Variants in FAM83F observed in about 807,000 individuals in gnomAD.
FAM83F encodes scaffolding CK1 anchoring protein F.
Under a neutral mutation model 42.9 loss-of-function variants are expected in FAM83F, and 45 were observed. The observed-to-expected ratio is 1.05, with a 90% CI of 0.83 to 1.35. FAM83F has a LOEUF of 1.35. Among genes scored for constraint, FAM83F ranks in the 40% most tolerant of loss-of-function variants. FAM83F has a pLI of 0.00. For synonymous variants in FAM83F, 306 were observed against 298.3 expected (o/e 1.03, Z -0.27); for missense variants, 617 against 695.9 (o/e 0.89, Z 1.28).
intron 1 of FAM83F, among the ~76,000 whole-genome samples, chr22:40,002,177 C>A (rs1422477428): frequency 1.3e-5 from 2 of 152,168 alleles, no homozygotes; most frequent in Non-Finnish European, 2.9e-5. Context: ...TGAGGATGTT[C>A]CCCACACACG....
At chr22:40,017,188 G>A (rs2067496828) in intron 1 of FAM83F, among the ~76,000 whole-genome samples, 2 of 151,620 alleles carry the variant, frequency 1.3e-5, no homozygotes, top group Non-Finnish European at 2.9e-5. Context: ...GAGGCTGATT[G>A]AGCGTACCTG....
In FAM83F at chr22:40,041,864, T is replaced by C. The variant is rs2146254407; in HGVS notation, c.*12299T>C. Reference sequence around the variant, plus strand: ...TTGAGTTAATATTATATTTACTCAATGTTACTTTTTTTTTTTTTGAGACAG... The same window carrying C: ...TTGAGTTAATATTATATTTACTCAACGTTACTTTTTTTTTTTTTGAGACAG... On this transcript the variant is annotated 3_prime_UTR_variant, in exon 5 of 5. Coordinates refer to ENST00000333407, the MANE Select transcript of FAM83F (RefSeq NM_138435.4). 1 of 152,238 alleles carries C rather than the reference T, an allele frequency of 6.6e-6. No homozygotes were observed. The highest frequency in any genetic ancestry group is 2.1e-4 in the South Asian group (1 of 4,832). The allele number at this position is 152,238 out of a possible 1,614,324, so 9.4% of individuals were successfully genotyped here.
Position 40,029,690 on chromosome 22 carries a change from CCTCCGTCCTGGCCTCAG to C in FAM83F, c.*126_*142del. On this transcript the variant is annotated 3_prime_UTR_variant, in exon 5 of 5. Coordinates refer to ENST00000333407, the MANE Select transcript of FAM83F (RefSeq NM_138435.4). ...CGCCAACTGGCCTTCTGCCCTGCAG[CCTCCGTCCTGGCCTCAG>C]GGACGCTGGATCCCAAATGAGAGGG... 7.1e-7 allele frequency: 1 copy of C among 1,400,188 alleles called. No homozygotes were observed. The highest frequency in any genetic ancestry group is 9.6e-7 in the Non-Finnish European group (1 of 1,040,284). The allele number at this position is 1,400,188 out of a possible 1,614,324, so 86.7% of individuals were successfully genotyped here. A position where few individuals can be genotyped will look rare whatever the true frequency, so the allele number is the denominator to read the frequency against.
At chr22:40,003,210 G>A (rs555852476) in intron 1 of FAM83F, among the ~76,000 whole-genome samples, 1 of 152,304 alleles carries the variant, frequency 6.6e-6, no homozygotes, top group East Asian at 1.9e-4. Context: ...ATTGAGGCAG[G>A]TAACACAGGG....
In FAM83F at chr22:40,041,005, C is replaced by T. The variant is rs545343153; in HGVS notation, c.*11440C>T. 3.3e-5 allele frequency: 5 copies of T among 152,282 alleles called. 1 individual carries two copies. Among genetic ancestry groups the T allele is most frequent in the African/African-American group, 9.6e-5 (4 of 41,540 alleles). 9.4% of individuals were successfully genotyped at this position (152,282 alleles called of 1,614,324 possible). ...ATTGCAGAATTGTTCACAAAAATTC[C>T]CATTGCCTTGGAATTTGTCCAAGCC... On this transcript the variant is annotated 3_prime_UTR_variant, in exon 5 of 5. Coordinates refer to ENST00000333407, the MANE Select transcript of FAM83F (RefSeq NM_138435.4).
chr22:40,020,226 G>A (rs566172138), intron 3 of FAM83F, among the ~76,000 whole-genome samples: 2 of 152,298 alleles, frequency 1.3e-5, no homozygotes, highest in South Asian at 4.1e-4. Flanking sequence ...ATTACGCACT[G>A]TCTGTTTTTC....
At position 40,040,360 on chromosome 22, in the gene FAM83F, CA is replaced by C. The variant is rs2146253622; in HGVS notation, c.*10797del. 6.6e-6 allele frequency: 1 copy of C among 152,292 alleles called. No individual in the cohort carries two copies. Among genetic ancestry groups the C allele is most frequent in the South Asian group, 2.1e-4 (1 of 4,828 alleles). The allele number at this position is 152,292 out of a possible 1,614,324, so 9.4% of individuals were successfully genotyped here. A position where few individuals can be genotyped will look rare whatever the true frequency, so the allele number is the denominator to read the frequency against. On this transcript the variant is annotated 3_prime_UTR_variant, in exon 5 of 5. Coordinates refer to ENST00000333407, the MANE Select transcript of FAM83F (RefSeq NM_138435.4). ...TTTCCTATCTAGAAAATGTGGATAA[CA>C]ATGGTTGTTGTGAAGATTAACAGCC...
rs2067533249 is a variant in FAM83F at position 40,023,369 on chromosome 22, C to CTGCTG, written c.1453+1406_1453+1407insTGCTG. On this transcript the variant is annotated intron_variant, in intron 4 of 4. Transcript: ENST00000333407. This position sits in a 1 kb window ranked among gnomAD's most constrained non-coding sequence, Gnocchi z 4.1. ...ACCAGCTGCTGCTGCTGCTGCTGCT[C>CTGCTG]CTGCTCTGTACCTCTGGTTTGGAGG... Among the ~76,000 whole-genome samples, 1 of 72,796 alleles carries CTGCTG rather than the reference C, an allele frequency of 1.4e-5. No individual in the cohort carries two copies. The highest frequency in any genetic ancestry group is 6.8e-5 in the African/African-American group (1 of 14,780). The allele number at this position is 72,796 out of a possible 152,430, so 47.8% of individuals were successfully genotyped here.
intron 1 of FAM83F, among the ~76,000 whole-genome samples, chr22:40,007,110 C>T (rs1005590612): frequency 2.0e-5 from 3 of 151,710 alleles, no homozygotes; most frequent in African/African-American, 4.8e-5. Flanking sequence ...AGTACACTTC[C>T]GTACTGTTGG....
chr22:40,023,399 G>A lies in FAM83F; in HGVS notation c.1453+1436G>A, dbSNP rs544104979. 5.3e-5 allele frequency among the ~76,000 whole-genome samples: 8 copies of A among 152,250 alleles called. No homozygotes were observed. The South Asian group carries it at 1.7e-3, about 32-fold the overall frequency. On this transcript the variant is annotated intron_variant, in intron 4 of 4. Coordinates refer to ENST00000333407, the MANE Select transcript of FAM83F (RefSeq NM_138435.4). The surrounding 1 kb of genome is among the most constrained non-coding windows in gnomAD (Gnocchi z 4.1). Reference sequence around the variant, plus strand: ...TCTGTACCTCTGGTTTGGAGGAAGGGTTGCCATGGTGAACACCTGGCAAGG... The same window carrying A: ...TCTGTACCTCTGGTTTGGAGGAAGGATTGCCATGGTGAACACCTGGCAAGG...
At chr22:40,022,851 C>T (rs1049575049) in intron 4 of FAM83F, among the ~76,000 whole-genome samples, 14 of 152,190 alleles carry the variant, frequency 9.2e-5, no homozygotes, top group African/African-American at 2.4e-4. Context: ...CTTGTGTGCC[C>T]GGCCCAAGGG....
intron 1 of FAM83F, among the ~76,000 whole-genome samples, chr22:40,008,908 C>A (rs113848199): frequency 6.6e-6 from 1 of 152,148 alleles, no homozygotes. Context: ...GGAAGAATTG[C>A]CCTCTGGTCC....
intron 3 of FAM83F, among the ~76,000 whole-genome samples, chr22:40,020,332 G>T (rs2067512790): frequency 6.6e-6 from 1 of 151,268 alleles, no homozygotes; most frequent in Non-Finnish European, 1.5e-5. Flanking sequence ...ACGGGAAGGT[G>T]TGGTGTGCAG....
In FAM83F at chr22:40,037,338, C is replaced by A. The variant is rs1237966707; in HGVS notation, c.*7773C>A. The A allele has an allele frequency of 6.6e-6, 1 of 152,478 alleles. No homozygotes were observed. The highest frequency in any genetic ancestry group is 2.4e-5 in the African/African-American group (1 of 41,460). The allele number at this position is 152,478 out of a possible 1,614,324, so 9.4% of individuals were successfully genotyped here. On this transcript the variant is annotated 3_prime_UTR_variant, in exon 5 of 5. Transcript: ENST00000333407. ...AGTGAGCTGAGATCATGCCACTGCA[C>A]TTCAGCCTGGGCAACAGAGCTAGAC... is the stretch of plus-strand genomic sequence containing the variant.
At chr22:40,011,425 C>T (rs941773797) in intron 1 of FAM83F, among the ~76,000 whole-genome samples, 4 of 152,118 alleles carry the variant, frequency 2.6e-5, no homozygotes, top group Non-Finnish European at 4.4e-5. Context: ...TCAGGTGATC[C>T]GCCCGCCTCG....
chr22:40,005,064 C>T (rs1007378512), intron 1 of FAM83F, among the ~76,000 whole-genome samples: 7 of 152,236 alleles, frequency 4.6e-5, no homozygotes, highest in Non-Finnish European at 1.0e-4. Flanking sequence ...GCACTCTCAA[C>T]TTGCCTCCGT....
At chr22:40,015,010 G>A (rs1861499309) in intron 1 of FAM83F, among the ~76,000 whole-genome samples, 1 of 152,198 alleles carries the variant, frequency 6.6e-6, no homozygotes, top group Non-Finnish European at 1.5e-5. Context: ...TTTAGTACAT[G>A]TTAATTCCCA....
Position 40,039,470 on chromosome 22 carries a change from T to C in FAM83F, c.*9905T>C, listed in dbSNP as rs1031937745. The C allele has an allele frequency of 3.3e-5, 5 of 152,158 alleles. 1 individual carries two copies. The highest frequency in any genetic ancestry group is 1.2e-4 in the African/African-American group (5 of 41,436). 9.4% of individuals were successfully genotyped at this position (152,158 alleles called of 1,614,324 possible). The stretch of plus-strand genomic sequence containing the variant: ...CTTAGGTGGAGAATAACAAATCCGA[T>C]TCAATATATTCATTTTAGAAACGAG... On this transcript the variant is annotated 3_prime_UTR_variant, in exon 5 of 5. Transcript: ENST00000333407.
rs1274738620 is a variant in FAM83F at position 39,994,982 on chromosome 22, G to A, written c.-61G>A. 2 of 1,216,916 alleles carry A rather than the reference G, an allele frequency of 1.6e-6. No individual in the cohort carries two copies. The highest frequency in any genetic ancestry group is 2.0e-6 in the Non-Finnish European group (2 of 979,770). The allele number at this position is 1,216,916 out of a possible 1,614,324, so 75.4% of individuals were successfully genotyped here. ...CCGCCCCTCGGCGGCTCCAGGTGCGGCTGTGGGACCTCGGACCGCGGCGGG... is the reference window on the plus strand; with the variant it reads ...CCGCCCCTCGGCGGCTCCAGGTGCGACTGTGGGACCTCGGACCGCGGCGGG... On this transcript the variant is annotated 5_prime_UTR_variant, in exon 1 of 5. Coordinates refer to ENST00000333407, the MANE Select transcript of FAM83F (RefSeq NM_138435.4).
Sources: gnomAD v4.1 joint callset for allele counts (sites outside exome capture counted in the v4.1 genomes callset) on GRCh38, gnomAD v4.1.1 for gene constraint, Gnocchi (gnomAD v3.1) non-coding constraint, MANE v1.5 for transcripts, NCBI Gene and HGNC (gene_info 2026-07-23, HGNC 2026-07-21) for gene names.